The following COL4A6 variants were observed in gnomAD, a reference collection of about 807,000 sequenced individuals.
The protein encoded by COL4A6 is collagen type IV alpha 6 chain, also known as collagen alpha-6(IV) chain.
A neutral mutation model predicts 126.7 loss-of-function variants in COL4A6; 59 were observed. The ratio of observed to expected loss-of-function variants is 0.47; its 90% CI spans 0.38 to 0.58. The LOEUF is 0.58. Ranked by LOEUF, COL4A6 falls within the 20% of genes least tolerant of loss-of-function variation. The pLI, the probability that COL4A6 is intolerant of heterozygous loss-of-function variation, is 0.00. For synonymous variants in COL4A6, 547 were observed against 496.6 expected (o/e 1.10, Z -1.35); for missense variants, 1,285 against 1,337.3 (o/e 0.96, Z 0.61).
intron 3 of COL4A6, among the ~76,000 whole-genome samples, chrX:108,279,972 T>A (rs2037752325): frequency 9.0e-6 from 1 of 110,635 alleles, no homozygotes; most frequent in Non-Finnish European, 1.9e-5. Flanking sequence ...CATACCAGAA[T>A]CTCTGGGACA....
At chrX:108,260,600 C>T (rs1200987897) in intron 3 of COL4A6, among the ~76,000 whole-genome samples, 1 of 111,121 alleles carries the variant, frequency 9.0e-6, no homozygotes, top group Non-Finnish European at 1.9e-5. Flanking sequence ...TTTCCTTCCG[C>T]CATGATTGTG....
intron 2 of COL4A6, among the ~76,000 whole-genome samples, chrX:108,398,916 T>C (rs1219398451): frequency 5.4e-5 from 6 of 111,503 alleles, no homozygotes; most frequent in African/African-American, 2.0e-4. Flanking sequence ...AAGAGAAAAG[T>C]GGCAATAAAT....
rs145433684 is a variant in COL4A6 at position 108,250,811 on chromosome X, C to A, written c.145-29437G>T. ...GGGGGAAGATTTGACCTGTCAGGAT[C>A]TGTGTTCATTCTGCCTTGATGAGAG... On this transcript the variant is annotated intron_variant, in intron 3 of 44. Transcript: ENST00000334504. Among the ~76,000 whole-genome samples, 259 of 112,214 alleles carry A rather than the reference C, an allele frequency of 2.3e-3. 1 individual carries two copies. Among genetic ancestry groups the A allele is most frequent in the African/African-American group, 8.1e-3 (250 of 30,927 alleles).
intron 3 of COL4A6, among the ~76,000 whole-genome samples, chrX:108,281,034 T>C (rs2037802750): frequency 9.6e-6 from 1 of 104,287 alleles, no homozygotes; most frequent in African/African-American, 3.5e-5. Flanking sequence ...CCACAGCCAA[T>C]ATCATACTGA....
chrX:108,183,868 C>A (rs1050435633), intron 23 of COL4A6: 32 of 463,778 alleles, frequency 6.9e-5, no homozygotes, highest in Non-Finnish European at 8.6e-5. Context: ...GCCCACCAAC[C>A]AAATCCCTTG....
intron 3 of COL4A6, chrX:108,268,959 C>A (rs1012717459): frequency 1.1e-5 from 3 of 272,816 alleles, no homozygotes; most frequent in African/African-American, 5.6e-5. Context: ...ACTTGCTTAT[C>A]TTCTGCCTCC....
At position 108,192,477 on chromosome X, in the gene COL4A6, T is replaced by C. The variant is rs1352613277; in HGVS notation, c.1176A>G (p.Leu392=). ...GPSGVPGLPA[L]SGVPGALGPQ... is the part of the protein sequence containing the mutation. The stretch of plus-strand genomic sequence containing the variant: ...AAATGGGTTAGTTTTTTTCACCTGA[T>C]AATGCTGGCAATCCAGGGACACCAG... Residue 392 remains leucine, a synonymous_variant, in exon 18 of 45, where the codon TTA becomes TTG. Coordinates refer to ENST00000334504, the MANE Select transcript of COL4A6 (RefSeq NM_033641.4). 8.3e-7 allele frequency: 1 copy of C among 1,202,780 alleles called. No homozygotes were observed. The highest frequency in any genetic ancestry group is 3.0e-5 in the East Asian group (1 of 33,753).
intron 2 of COL4A6, among the ~76,000 whole-genome samples, chrX:108,427,169 G>A (rs1208586747): frequency 2.7e-5 from 3 of 111,637 alleles, no homozygotes; most frequent in Admixed American, 9.5e-5. Context: ...GAGGAGTTAC[G>A]GAGCAAGTAA....
At position 108,207,586 on chromosome X, in the gene COL4A6, G is replaced by A. The variant is rs148194984; in HGVS notation, c.547-1006C>T. On this transcript the variant is annotated intron_variant, in intron 8 of 44. Transcript: ENST00000334504. ...CAAGTACAGTTGGCCCTCTGTATCT[G>A]TGGGTTCCACATCTGTGGATTCAAC... Among the ~76,000 whole-genome samples, 704 of 111,897 alleles carry A rather than the reference G, an allele frequency of 6.3e-3. 4 individuals are homozygous for A. Among genetic ancestry groups the A allele is most frequent in the African/African-American group, 0.022 (673 of 30,798 alleles).
intron 2 of COL4A6, among the ~76,000 whole-genome samples, chrX:108,360,309 A>G (rs1184077324): frequency 8.9e-6 from 1 of 112,123 alleles, no homozygotes; most frequent in African/African-American, 3.2e-5. Context: ...AGGACACATT[A>G]TATAAAGAAG....
At chrX:108,221,139 C>A in intron 4 of COL4A6, 101 bp downstream of exon 4, 2 of 1,101,203 alleles carry the variant, frequency 1.8e-6, no homozygotes, top group South Asian at 1.8e-5. Flanking sequence ...CCAAACTACT[C>A]AGGAATGACA....
At chrX:108,202,804 A>G (rs2035423611) in intron 13 of COL4A6, 124 bp downstream of exon 13, 2 of 563,525 alleles carry the variant, frequency 3.5e-6, no homozygotes, top group Non-Finnish European at 6.0e-6. Context: ...ATACCTTCTA[A>G]TAATAAAGAT....
At chrX:108,192,906 C>A (rs2035096038) in intron 17 of COL4A6, among the ~76,000 whole-genome samples, 1 of 112,619 alleles carries the variant, frequency 8.9e-6, no homozygotes, top group South Asian at 3.7e-4. Flanking sequence ...TTGAAGTCCA[C>A]TATTTACGTT....
Position 108,174,531 on chromosome X carries a change from G to A in COL4A6, c.3047C>T (p.Pro1016Leu), listed in dbSNP as rs2034417107. 1.4e-5 allele frequency: 17 copies of A among 1,208,713 alleles called. No homozygotes were observed. The highest frequency in any genetic ancestry group is 1.8e-5 in the Non-Finnish European group (16 of 894,488). ...PGIIKGVSGK[P>L]GPPGFMGIRG... The stretch of plus-strand genomic sequence containing the variant: ...GATTCCCATGAAGCCAGGGGGCCCT[G>A]GCTTTCCACTAACTCCTTTGATAAT... Residue 1016 changes from proline to leucine, a missense_variant, in exon 31 of 45, where the codon CCA (proline) becomes CTA (leucine). By Grantham distance (98) the Pro-to-Leu change is moderately conservative. Coordinates refer to ENST00000334504, the MANE Select transcript of COL4A6 (RefSeq NM_033641.4).
At chrX:108,437,886 G>T in intron 2 of COL4A6, 56 bp downstream of exon 2, 2 of 1,170,961 alleles carry the variant, frequency 1.7e-6, no homozygotes, top group East Asian at 5.9e-5. Flanking sequence ...CTAGAGATGG[G>T]GATGGTTAGA....
At chrX:108,252,798 A>T (rs1327501628) in intron 3 of COL4A6, among the ~76,000 whole-genome samples, 1 of 111,805 alleles carries the variant, frequency 8.9e-6, no homozygotes, top group Non-Finnish European at 1.9e-5. Context: ...TAAAAAGATC[A>T]TTCACCATGA....
intron 13 of COL4A6, 133 bp from the exon 14 acceptor site, chrX:108,196,712 C>T (rs2035231059): frequency 4.1e-6 from 2 of 491,556 alleles, no homozygotes; most frequent in Admixed American, 7.2e-5. Context: ...TGTCTCTTGT[C>T]ACTGCCTGAG....
chrX:108,192,340 C>A, intron 18 of COL4A6, 133 bp downstream of exon 18: 2 of 441,345 alleles, frequency 4.5e-6, no homozygotes, highest in Non-Finnish European at 8.0e-6. Flanking sequence ...AGTCGGGAAC[C>A]TACTGACTAC....
In COL4A6 at chrX:108,165,010, A is replaced by T; in HGVS notation, c.3837T>A (p.Gly1279=). 1 of 1,207,779 alleles carries T rather than the reference A, an allele frequency of 8.3e-7. No homozygotes were observed. Among genetic ancestry groups the T allele is most frequent in the Non-Finnish European group, 1.1e-6 (1 of 894,282 alleles). The stretch of plus-strand genomic sequence containing the variant: ...CTTGATTCGAGGATGGCCCAGGGGG[A>T]CCTGGGGGTCCAGCGGGGCCTGGGC... ...RGRPGPAGPP[G]PPGPSSNQGD... is the part of the protein sequence containing the mutation. Residue 1279 remains glycine (G), a synonymous_variant, in exon 39 of 45, where the codon GGT becomes GGA. Transcript: ENST00000334504.
Sources: gnomAD v4.1 joint callset for allele counts (sites outside exome capture counted in the v4.1 genomes callset) on GRCh38, gnomAD v4.1.1 for gene constraint, MANE v1.5 for transcripts, NCBI Gene and HGNC (gene_info 2026-07-23, HGNC 2026-07-21) for gene names.